Variants in ST6GAL1 observed in about 807,000 individuals in gnomAD.
ST6GAL1 encodes the protein beta-galactoside alpha-2,6-sialyltransferase 1.
A neutral mutation model predicts 38.0 loss-of-function variants in ST6GAL1; 20 were observed. That is an observed-to-expected ratio of 0.53 (90% CI 0.37 to 0.77). The LOEUF is 0.77. Ranked by LOEUF, ST6GAL1 falls within the 30% of genes least tolerant of loss-of-function variation. The pLI, the probability that ST6GAL1 is intolerant of heterozygous loss-of-function variation, is 0.00. For synonymous variants in ST6GAL1, 196 were observed against 188.2 expected, an observed-to-expected ratio of 1.04 and a Z score of -0.34; for missense variants, 432 against 496.4, an observed-to-expected ratio of 0.87 and a Z score of 1.23.
chr3:187,017,914 G>A (rs890041358), intron 2 of ST6GAL1, among the ~76,000 whole-genome samples: 2 of 152,194 alleles, frequency 1.3e-5, no homozygotes, highest in South Asian at 2.1e-4. Context: ...TCAGACCCAC[G>A]TTAGTAGGAT....
intron 1 of ST6GAL1, among the ~76,000 whole-genome samples, chr3:186,962,862 A>G (rs2108526747): frequency 6.6e-6 from 1 of 152,282 alleles, no homozygotes; most frequent in Non-Finnish European, 1.5e-5. Context: ...ATCCTTGGGT[A>G]CGTATATATT....
chr3:186,964,967 G>C (rs571173840), intron 2 of ST6GAL1, among the ~76,000 whole-genome samples: 9 of 152,214 alleles, frequency 5.9e-5, no homozygotes, highest in African/African-American at 2.2e-4. Context: ...TACAACAATC[G>C]TGAGGGTCCC....
At chr3:187,002,777 G>A (rs933513613) in intron 2 of ST6GAL1, among the ~76,000 whole-genome samples, 5 of 152,160 alleles carry the variant, frequency 3.3e-5, no homozygotes, top group African/African-American at 4.8e-5. Context: ...GTATGTGTGT[G>A]TGCATAATTA....
At chr3:186,932,880 C>T (rs1172788162) in intron 1 of ST6GAL1, among the ~76,000 whole-genome samples, 1 of 152,230 alleles carries the variant, frequency 6.6e-6, no homozygotes, top group East Asian at 1.9e-4. Context: ...TGTTGTTTTG[C>T]ACTGTGCCTG....
At chr3:186,946,143 G>A (rs958917689) in intron 1 of ST6GAL1, among the ~76,000 whole-genome samples, 5 of 151,792 alleles carry the variant, frequency 3.3e-5, no homozygotes, top group African/African-American at 1.2e-4. Context: ...CCGTCTCTAC[G>A]AAAAATACAA....
intron 2 of ST6GAL1, among the ~76,000 whole-genome samples, chr3:187,024,128 T>A (rs1322038373): frequency 6.6e-6 from 1 of 151,896 alleles, no homozygotes; most frequent in African/African-American, 2.4e-5. Flanking sequence ...AAAGTCTCGC[T>A]GTGTCACCCA....
At chr3:186,937,530 A>G (rs142318341) in intron 1 of ST6GAL1, among the ~76,000 whole-genome samples, 27 of 152,316 alleles carry the variant, frequency 1.8e-4, no homozygotes, top group African/African-American at 6.5e-4. Flanking sequence ...AAGGTCACTT[A>G]TTAATTTATT....
intron 5 of ST6GAL1, among the ~76,000 whole-genome samples, chr3:187,065,282 G>A (rs1317045667): frequency 8.5e-5 from 13 of 152,192 alleles, no homozygotes; most frequent in Admixed American, 8.5e-4. Flanking sequence ...TTACAGGCAT[G>A]AGCCACTGCG....
rs116646155 is a variant in ST6GAL1, at chr3:187,058,985, T to A, written c.705+7639T>A. Among the ~76,000 whole-genome samples, 450 of 152,224 alleles carry A rather than the reference T, an allele frequency of 3.0e-3. 3 individuals are homozygous for A. Among genetic ancestry groups the A allele is most frequent in the African/African-American group, 0.011 (436 of 41,516 alleles). On this transcript the variant is annotated intron_variant, in intron 5 of 7. Transcript: ENST00000169298. Reference sequence around the variant, plus strand: ...AGAGATAGGATTGAAAGGAATGGACTGGCTAGCAAGAAGCTCTCTGGGGCA... The same window carrying A: ...AGAGATAGGATTGAAAGGAATGGACAGGCTAGCAAGAAGCTCTCTGGGGCA...
intron 2 of ST6GAL1, among the ~76,000 whole-genome samples, chr3:187,015,280 G>T (rs1717079359): frequency 6.6e-6 from 1 of 152,146 alleles, no homozygotes; most frequent in Non-Finnish European, 1.5e-5. Context: ...TCATGTCTAG[G>T]ACCTTCGGAG....
intron 1 of ST6GAL1, among the ~76,000 whole-genome samples, chr3:186,946,324 C>T (rs1334885083): frequency 6.6e-6 from 1 of 151,678 alleles, no homozygotes; most frequent in Non-Finnish European, 1.5e-5. Context: ...AAAAAGTGTT[C>T]CTTTTCCTTA....
intron 5 of ST6GAL1, among the ~76,000 whole-genome samples, chr3:187,066,601 C>CGTGCGTGT (rs1553836653): frequency 1.7e-3 from 256 of 148,834 alleles, no homozygotes; most frequent in Middle Eastern, 3.4e-3. Context: ...TGCGTGCGTG[C>CGTGCGTGT]GTGTGTGTGT....
In ST6GAL1 at chr3:187,072,948, G is replaced by T; in HGVS notation, c.804+1G>T. 1 of 1,608,492 alleles carries T rather than the reference G, an allele frequency of 6.2e-7. No homozygotes were observed. The highest frequency in any genetic ancestry group is 8.5e-7 in the Non-Finnish European group (1 of 1,174,928). ...TGTATACCACTCAGATATCCCAAAG[G>T]TAAGTGGGTGTCCGTGGGAAATAGG... On this transcript the variant is annotated splice_donor_variant, in intron 6 of 7. Coordinates refer to ENST00000169298, the MANE Select transcript of ST6GAL1 (RefSeq NM_173216.2). LOFTEE classifies it high-confidence loss of function.
chr3:187,017,804 G>A (rs1164964980), intron 2 of ST6GAL1, among the ~76,000 whole-genome samples: 3 of 152,170 alleles, frequency 2.0e-5, no homozygotes, highest in African/African-American at 7.2e-5. Context: ...GCCGCCTGGC[G>A]CGATCCCCAG....
chr3:186,943,946 C>G (rs1714269647), intron 1 of ST6GAL1, among the ~76,000 whole-genome samples: 2 of 152,188 alleles, frequency 1.3e-5, no homozygotes, highest in African/African-American at 2.4e-5. Context: ...GACGATTGTT[C>G]CCTCTCTTTT....
intron 5 of ST6GAL1, among the ~76,000 whole-genome samples, chr3:187,063,004 G>C (rs989368537): frequency 1.3e-5 from 2 of 152,064 alleles, no homozygotes; most frequent in African/African-American, 4.8e-5. Context: ...ATTCATTTTG[G>C]GAAGCTGAAA....
At chr3:187,032,248 G>A (rs959558033) in intron 2 of ST6GAL1, among the ~76,000 whole-genome samples, 3 of 152,190 alleles carry the variant, frequency 2.0e-5, no homozygotes, top group Non-Finnish European at 4.4e-5. Context: ...TTGATGTAAG[G>A]GAGGAAGAGC....
chr3:187,003,010 C>G (rs1475850482), intron 2 of ST6GAL1, among the ~76,000 whole-genome samples: 5 of 152,182 alleles, frequency 3.3e-5, no homozygotes, highest in African/African-American at 4.8e-5. Flanking sequence ...CCAAGATCTG[C>G]GACTGGCAAG....
At chr3:187,073,316 T>C in intron 6 of ST6GAL1, 1 of 187,806 alleles carries the variant, frequency 5.3e-6, no homozygotes, top group Non-Finnish European at 1.1e-5. Flanking sequence ...CACTTTTATT[T>C]CACACTTCCA....
Sources: allele counts gnomAD v4.1 joint callset (sites outside exome capture counted in the v4.1 genomes callset), GRCh38; gene constraint gnomAD v4.1.1; transcripts MANE v1.5; gene names NCBI Gene and HGNC (gene_info 2026-07-23, HGNC 2026-07-21).